Variants in FER observed in about 807,000 individuals in gnomAD.
FER encodes tyrosine-protein kinase Fer.
In FER, 63 loss-of-function variants were observed where a neutral mutation model predicts 111.0. The ratio of observed to expected loss-of-function variants is 0.57; its 90% CI spans 0.46 to 0.70. FER has a LOEUF of 0.70. Ranked by LOEUF, FER falls within the 30% of genes least tolerant of loss-of-function variation. The pLI, the probability that FER is intolerant of heterozygous loss-of-function variation, is 0.00. For missense variants in FER, 914 were observed against 954.0 expected (o/e 0.96, Z 0.55); for synonymous variants, 327 against 313.9 (o/e 1.04, Z -0.44).
At chr5:108,819,384 C>T (rs1029094318) in intron 3 of FER, among the ~76,000 whole-genome samples, 1 of 152,068 alleles carries the variant, frequency 6.6e-6, no homozygotes, top group Non-Finnish European at 1.5e-5. Context: ...TCCCACACTG[C>T]TCCCTCCAAG....
At chr5:108,998,623 T>A (rs1346060406) in intron 13 of FER, among the ~76,000 whole-genome samples, 2 of 152,336 alleles carry the variant, frequency 1.3e-5, no homozygotes, top group East Asian at 3.9e-4. Flanking sequence ...TAATTTGAGG[T>A]ATGTTCCATC....
chr5:108,929,912 GAT>G (rs931888373), intron 10 of FER, among the ~76,000 whole-genome samples: 2 of 152,154 alleles, frequency 1.3e-5, no homozygotes, highest in African/African-American at 4.8e-5. Flanking sequence ...GGTTTTTGAA[GAT>G]AATCTTTTTA....
chr5:109,092,299 AAAAAAAAAAAAAC>A (rs1232722193), intron 16 of FER, among the ~76,000 whole-genome samples: 6 of 143,474 alleles, frequency 4.2e-5, no homozygotes, highest in African/African-American at 1.6e-4. Flanking sequence ...AAAAAAAAAA[AAAAAAAAAAAAAC>A]ATCAGAGGGA....
chr5:109,059,422 G>C (rs963488414), intron 16 of FER, among the ~76,000 whole-genome samples: 1 of 152,094 alleles, frequency 6.6e-6, no homozygotes, highest in Non-Finnish European at 1.5e-5. Flanking sequence ...CAGCTACTTG[G>C]GAAGCTGAGG....
intron 13 of FER, among the ~76,000 whole-genome samples, chr5:108,976,736 C>A: frequency 6.6e-6 from 1 of 152,210 alleles, no homozygotes; most frequent in Non-Finnish European, 1.5e-5. Flanking sequence ...AGAGATACTA[C>A]ATTTATAGTA....
At chr5:108,899,854 T>C (rs1749756054) in intron 10 of FER, among the ~76,000 whole-genome samples, 1 of 151,984 alleles carries the variant, frequency 6.6e-6, no homozygotes. Context: ...TTCATAATCA[T>C]TGAAGAAAAG....
At chr5:109,156,726 G>A (rs935140608) in intron 17 of FER, among the ~76,000 whole-genome samples, 2 of 152,036 alleles carry the variant, frequency 1.3e-5, no homozygotes, top group Admixed American at 6.6e-5. Context: ...TAAAGGAATA[G>A]TTTCAAAGAA....
intron 16 of FER, among the ~76,000 whole-genome samples, chr5:109,073,153 T>A (rs1775957633): frequency 1.3e-5 from 2 of 152,174 alleles, no homozygotes. Context: ...GGGGACAATG[T>A]TCAACCTGGT....
At chr5:108,777,865 G>A (rs1298778934) in intron 2 of FER, among the ~76,000 whole-genome samples, 1 of 152,042 alleles carries the variant, frequency 6.6e-6, no homozygotes, top group African/African-American at 2.4e-5. Context: ...ACCCATTCAC[G>A]ATCAAGAGAA....
chr5:109,104,462 A>T (rs537744387), intron 17 of FER, among the ~76,000 whole-genome samples: 1 of 152,190 alleles, frequency 6.6e-6, no homozygotes, highest in East Asian at 1.9e-4. Context: ...ACCTGTCAGT[A>T]TGGGGACGAT....
chr5:109,127,290 G>T (rs1751839054), intron 17 of FER, among the ~76,000 whole-genome samples: 1 of 152,164 alleles, frequency 6.6e-6, no homozygotes. Context: ...ATATAGTAAA[G>T]AGTTCAGAGT....
At chr5:109,032,729 G>A (rs1346573367) in intron 13 of FER, among the ~76,000 whole-genome samples, 1 of 152,058 alleles carries the variant, frequency 6.6e-6, no homozygotes. Flanking sequence ...GGGTTTATAA[G>A]GCCACCAAAA....
intron 9 of FER, among the ~76,000 whole-genome samples, chr5:108,889,273 G>A (rs1747653434): frequency 1.3e-5 from 2 of 151,802 alleles, no homozygotes. Context: ...GTTTATTGCA[G>A]CACTATTCAC....
intron 10 of FER, among the ~76,000 whole-genome samples, chr5:108,927,496 T>C (rs908425896): frequency 6.6e-6 from 1 of 151,952 alleles, no homozygotes; most frequent in Non-Finnish European, 1.5e-5. Context: ...CCTGACCTCA[T>C]GATCCACCTG....
At chr5:108,843,632 T>A (rs1022958307) in intron 5 of FER, among the ~76,000 whole-genome samples, 6 of 151,228 alleles carry the variant, frequency 4.0e-5, no homozygotes, top group Admixed American at 6.6e-5. Context: ...CAGGTTCAAG[T>A]AATTCTCCTC....
chr5:108,868,350 G>T (rs1052020859), intron 6 of FER, among the ~76,000 whole-genome samples: 1 of 151,812 alleles, frequency 6.6e-6, no homozygotes, highest in Non-Finnish European at 1.5e-5. Flanking sequence ...TTCTGTATAA[G>T]ATTAAAATCA....
chr5:108,771,178 C>T (rs1412729545), intron 2 of FER, among the ~76,000 whole-genome samples: 5 of 152,040 alleles, frequency 3.3e-5, no homozygotes, highest in African/African-American at 1.2e-4. Flanking sequence ...TTGTGATCCA[C>T]CTGCCTCGGC....
At chr5:108,983,893 C>T (rs1762278779) in intron 13 of FER, among the ~76,000 whole-genome samples, 1 of 152,086 alleles carries the variant, frequency 6.6e-6, no homozygotes, top group South Asian at 2.1e-4. Flanking sequence ...CTTGTGCTCA[C>T]GCTTTCATTC....
In FER at chr5:108,765,095, T is replaced by G. The variant is rs78873727; in HGVS notation, c.-205-2998T>G. ...AAAGTATGTGTAATTGAGGAAGTTC[T>G]TGGGGAAGATTAAGGTGCATTAGAA... is the stretch of plus-strand genomic sequence containing the variant. On this transcript the variant is annotated intron_variant, in intron 1 of 19. Coordinates refer to ENST00000281092, the MANE Select transcript of FER (RefSeq NM_005246.4). Among the ~76,000 whole-genome samples, 461 of 152,322 alleles carry G rather than the reference T, an allele frequency of 3.0e-3. 2 individuals carry two copies. The highest frequency in any genetic ancestry group is 9.8e-3 in the African/African-American group (407 of 41,578).
Sources: allele counts gnomAD v4.1 joint callset (sites outside exome capture counted in the v4.1 genomes callset), GRCh38; gene constraint gnomAD v4.1.1; transcripts MANE v1.5; gene names NCBI Gene and HGNC (gene_info 2026-07-23, HGNC 2026-07-21).